Variants in LDLRAD4 observed in about 807,000 individuals in gnomAD.
The protein encoded by LDLRAD4 is low-density lipoprotein receptor class A domain-containing protein 4.
LDLRAD4 carries 5 observed loss-of-function variants against 17.0 expected under a neutral mutation model. The ratio of observed to expected loss-of-function variants is 0.29; its 90% confidence interval spans 0.15 to 0.62. The LOEUF is 0.62. LDLRAD4 is among the 20% of genes least tolerant of loss of function. The pLI is 0.84. For missense variants in LDLRAD4, 340 were observed against 424.7 expected (o/e 0.80, Z 1.75); for synonymous variants, 168 against 171.8 (o/e 0.98, Z 0.17).
At chr18:13,225,803 T>C (rs2041751877) in intron 1 of LDLRAD4, among the ~76,000 whole-genome samples, 1 of 152,222 alleles carries the variant, frequency 6.6e-6, no homozygotes, top group Non-Finnish European at 1.5e-5. Flanking sequence ...TATGTACTTT[T>C]TAGGAAGCTT....
intron 1 of LDLRAD4, among the ~76,000 whole-genome samples, chr18:13,332,054 C>T (rs1019986525): frequency 2.6e-5 from 4 of 152,124 alleles, no homozygotes; most frequent in African/African-American, 4.8e-5. Flanking sequence ...ACTGTCTTAG[C>T]GCTCTTTGCA....
intron 3 of LDLRAD4, among the ~76,000 whole-genome samples, chr18:13,473,571 A>T (rs1422483414): frequency 7.0e-6 from 1 of 143,482 alleles, no homozygotes; most frequent in Admixed American, 7.2e-5. Flanking sequence ...GCCCAGTTGG[A>T]GGCTGCAGTG....
At chr18:13,499,153 C>T (rs1241179717) in intron 3 of LDLRAD4, among the ~76,000 whole-genome samples, 13 of 150,214 alleles carry the variant, frequency 8.7e-5, no homozygotes, top group African/African-American at 3.2e-4. Flanking sequence ...TCTACTCACA[C>T]ACACGTCGCG....
At chr18:13,592,487 C>T (rs1394414757) in intron 3 of LDLRAD4, among the ~76,000 whole-genome samples, 4 of 152,144 alleles carry the variant, frequency 2.6e-5, no homozygotes, top group Non-Finnish European at 4.4e-5. Flanking sequence ...GGTAGCATTA[C>T]GATTAGGAAA....
intron 3 of LDLRAD4, among the ~76,000 whole-genome samples, chr18:13,591,587 G>C (rs949723992): frequency 2.0e-5 from 3 of 152,210 alleles, no homozygotes; most frequent in African/African-American, 7.2e-5. Flanking sequence ...CATCTGGGGA[G>C]TTTTAAAGTT....
chr18:13,262,545 C>T (rs565156397), intron 1 of LDLRAD4, among the ~76,000 whole-genome samples: 24 of 86,564 alleles, frequency 2.8e-4, no homozygotes, highest in African/African-American at 6.2e-4. Flanking sequence ...GAGTCCCGTG[C>T]GGCTCTGTGC....
At chr18:13,487,048 G>A (rs956846081) in intron 3 of LDLRAD4, 3 of 152,332 alleles carry the variant, frequency 2.0e-5, no homozygotes, top group Non-Finnish European at 2.9e-5. Context: ...ATGAACCTGA[G>A]CACCTTTTCA....
intron 3 of LDLRAD4, among the ~76,000 whole-genome samples, chr18:13,570,139 G>A (rs1255628129): frequency 6.6e-6 from 1 of 152,204 alleles, no homozygotes; most frequent in Non-Finnish European, 1.5e-5. Flanking sequence ...AAAGATAAAA[G>A]GTAGTGATAG....
At position 13,473,636 on chromosome 18, in the gene LDLRAD4, CATATATATATATATAT is replaced by C. The variant is rs71366054; in HGVS notation, c.181+35280_181+35295del. ...TGGGCAGCACAGTAAGATCCCATCT[CATATATATATATATAT>C]ATATATATATATATATATATATATA... On this transcript the variant is annotated intron_variant, in intron 3 of 5. Coordinates refer to ENST00000359446, the Ensembl canonical transcript of LDLRAD4. Among the ~76,000 whole-genome samples, 46 of 28,754 alleles carry C rather than the reference CATATATATATATATAT, an allele frequency of 1.6e-3. No homozygotes were observed. In the South Asian group the frequency reaches 0.017, roughly 11 times the overall value. The allele number at this position is 28,754 out of a possible 152,430, so 18.9% of individuals were successfully genotyped here.
intron 3 of LDLRAD4, among the ~76,000 whole-genome samples, chr18:13,457,698 C>T (rs990347589): frequency 5.3e-5 from 8 of 152,174 alleles, no homozygotes; most frequent in South Asian, 2.1e-4. Context: ...ATCCACATCA[C>T]GGCACCACCA....
chr18:13,377,540 G>C (rs145091902), intron 1 of LDLRAD4, among the ~76,000 whole-genome samples: 1 of 152,240 alleles, frequency 6.6e-6, no homozygotes, highest in African/African-American at 2.4e-5. Context: ...TTAAGTGGGA[G>C]AAATAGCAGA....
At position 13,407,650 on chromosome 18, in the gene LDLRAD4, G is replaced by A. The variant is rs114572709; in HGVS notation, c.40+19888G>A. 4.5e-3 allele frequency among the ~76,000 whole-genome samples: 685 copies of A among 152,346 alleles called. 12 individuals are homozygous for A. The highest frequency in any genetic ancestry group is 0.016 in the African/African-American group (665 of 41,572). On this transcript the variant is annotated intron_variant, in intron 2 of 5. Coordinates refer to ENST00000359446, the Ensembl canonical transcript of LDLRAD4. ...CCCCTTGGGAGCAGATGGCCATTCG[G>A]AGCTCAGAGAATCTTTGCCTGGCCA...
intron 1 of LDLRAD4, among the ~76,000 whole-genome samples, chr18:13,302,557 ATACT>A (rs1599250678): frequency 6.6e-6 from 1 of 152,192 alleles, no homozygotes; most frequent in Admixed American, 6.5e-5. Context: ...TTTCAGTTAA[ATACT>A]TACTGATGTG....
chr18:13,489,658 C>G (rs2093318148), intron 3 of LDLRAD4: 1 of 152,188 alleles, frequency 6.6e-6, no homozygotes, highest in Non-Finnish European at 1.5e-5. Flanking sequence ...CCTATAGCCT[C>G]CAGTTATATG....
intron 3 of LDLRAD4, chr18:13,542,236 A>T (rs975131160): frequency 6.6e-6 from 1 of 152,138 alleles, no homozygotes; most frequent in Non-Finnish European, 1.5e-5. Flanking sequence ...TTTTATGGAG[A>T]GGCTGTTTAA....
intron 3 of LDLRAD4, among the ~76,000 whole-genome samples, chr18:13,495,558 A>G (rs961952540): frequency 1.3e-5 from 2 of 152,180 alleles, no homozygotes; most frequent in Non-Finnish European, 2.9e-5. Flanking sequence ...AGATGGTGTC[A>G]CTAATACTGT....
intron 3 of LDLRAD4, among the ~76,000 whole-genome samples, chr18:13,491,803 T>G (rs73406394): frequency 0.094 from 14,372 of 152,240 alleles, 761 homozygotes; most frequent in East Asian, 0.14. Context: ...CTGGTACTTT[T>G]CCCATCAGGT....
intron 3 of LDLRAD4, among the ~76,000 whole-genome samples, chr18:13,619,518 G>GGGGC (rs2040405116): frequency 6.7e-6 from 1 of 148,180 alleles, no homozygotes; most frequent in African/African-American, 2.5e-5. Flanking sequence ...GTGGGGCCGG[G>GGGGC]GGGGGGCGGG....
intron 1 of LDLRAD4, among the ~76,000 whole-genome samples, chr18:13,237,589 C>T (rs916519710): frequency 4.6e-5 from 7 of 152,192 alleles, no homozygotes; most frequent in East Asian, 3.9e-4. Context: ...ATTCAGGGAA[C>T]GTGGATTCTT....
Sources: gnomAD v4.1 joint callset for allele counts (sites outside exome capture counted in the v4.1 genomes callset) on GRCh38, gnomAD v4.1.1 for gene constraint, MANE v1.5 for transcripts, NCBI Gene and HGNC (gene_info 2026-07-23, HGNC 2026-07-21) for gene names.